KIZ: variants seen among roughly 807,000 people sequenced by gnomAD.
KIZ encodes centrosomal protein kizuna.
KIZ carries 68 observed loss-of-function variants against 79.6 expected under a neutral mutation model. The observed-to-expected ratio is 0.85, with a 90% CI of 0.70 to 1.05. KIZ has a LOEUF of 1.05. Among genes scored for constraint, KIZ ranks in the 50% least tolerant of loss-of-function variants. The pLI is 0.00. For missense variants in KIZ, 797 were observed against 800.4 expected, an observed-to-expected ratio of 1.00 and a Z score of 0.05; for synonymous variants, 280 against 281.8, an observed-to-expected ratio of 0.99 and a Z score of 0.06.
In KIZ at chr20:21,215,610, G is replaced by A. The variant is rs1238040059; in HGVS notation, c.1640G>A (p.Ser547Asn). The A allele has an allele frequency of 1.2e-6, 2 of 1,606,284 alleles. No individual in the cohort carries two copies. The highest frequency in any genetic ancestry group is 8.5e-7 in the Non-Finnish European group (1 of 1,174,668). ...GTTTCAAGTGGCTGTGGAGACAAGA[G>A]CAAGAAAGAAAATGTGGCTGCAGAT... ...QEVSSGCGDKSKKENVAADIP... is the reference protein window; with the variant it reads ...QEVSSGCGDKNKKENVAADIP... The change falls in exon 9 of 13, where the codon AGC (serine) becomes AAC (asparagine). Residue 547 changes from serine (S) to asparagine (N), a missense_variant. Transcript: ENST00000619189.
chr20:21,166,793 A>G (rs1345890420), intron 6 of KIZ, among the ~76,000 whole-genome samples: 1 of 152,078 alleles, frequency 6.6e-6, no homozygotes, highest in Non-Finnish European at 1.5e-5. Flanking sequence ...CGGTTTCACT[A>G]TGTTGGCCAG....
At chr20:21,166,163 T>TTTGTTCA in intron 6 of KIZ, 1 of 926,710 alleles carries the variant, frequency 1.1e-6, no homozygotes, top group East Asian at 2.5e-5. Flanking sequence ...TTTTTTTTTT[T>TTTGTTCA]TGTCCATGAG....
At chr20:21,148,054 G>A (rs574106129) in intron 4 of KIZ, among the ~76,000 whole-genome samples, 13 of 151,788 alleles carry the variant, frequency 8.6e-5, no homozygotes, top group East Asian at 1.9e-4. Flanking sequence ...GTGCAGCTGC[G>A]GGAAGATGAG....
chr20:21,129,006 T>G (rs1054673414), intron 1 of KIZ, among the ~76,000 whole-genome samples: 14 of 152,146 alleles, frequency 9.2e-5, no homozygotes, highest in African/African-American at 3.4e-4. Context: ...AAACATGAAC[T>G]ATGGGTAAGC....
intron 6 of KIZ, among the ~76,000 whole-genome samples, chr20:21,200,850 C>T (rs536886964): frequency 3.0e-4 from 45 of 152,246 alleles, no homozygotes; most frequent in Non-Finnish European, 3.7e-4. Context: ...GAACAAACCA[C>T]GCTTGTCATC....
intron 6 of KIZ, among the ~76,000 whole-genome samples, chr20:21,174,874 C>T (rs1568946053): frequency 6.6e-6 from 1 of 152,168 alleles, no homozygotes; most frequent in Non-Finnish European, 1.5e-5. Context: ...AGTCATGTGC[C>T]TGGAATAATA....
At chr20:21,172,609 A>AT (rs1273266608) in intron 6 of KIZ, among the ~76,000 whole-genome samples, 1 of 152,058 alleles carries the variant, frequency 6.6e-6, no homozygotes, top group African/African-American at 2.4e-5. Context: ...AAAAAAAAAA[A>AT]GTATTATGAT....
intron 2 of KIZ, among the ~76,000 whole-genome samples, chr20:21,134,420 TTTC>T (rs1342043182): frequency 1.2e-4 from 18 of 152,260 alleles, no homozygotes; most frequent in African/African-American, 4.1e-4. Context: ...GGTGCCTCCA[TTTC>T]TTCTTCTGTC....
chr20:21,141,209 G>A (rs1330473007), intron 3 of KIZ, among the ~76,000 whole-genome samples: 2 of 152,066 alleles, frequency 1.3e-5, no homozygotes, highest in African/African-American at 2.4e-5. Flanking sequence ...CTCAGGTTGG[G>A]TTCTCCCTGA....
intron 3 of KIZ, among the ~76,000 whole-genome samples, chr20:21,138,077 A>G (rs942922540): frequency 2.0e-5 from 3 of 151,832 alleles, no homozygotes; most frequent in African/African-American, 7.3e-5. Flanking sequence ...CAGACATAAT[A>G]TTTAATTTTC....
intron 9 of KIZ, chr20:21,218,569 T>G (rs1028652754): frequency 3.3e-5 from 5 of 152,200 alleles, no homozygotes; most frequent in African/African-American, 9.6e-5. Context: ...GAAAAGACTT[T>G]CAGCAAAGGA....
chr20:21,194,180 T>G (rs1207729694), intron 6 of KIZ: 1 of 152,200 alleles, frequency 6.6e-6, no homozygotes, highest in Non-Finnish European at 1.5e-5. Flanking sequence ...TGTCGTTGGA[T>G]AAGATAAGCT....
chr20:21,135,043 G>A (rs917625979), intron 2 of KIZ, among the ~76,000 whole-genome samples: 3 of 152,140 alleles, frequency 2.0e-5, no homozygotes, highest in African/African-American at 7.2e-5. Flanking sequence ...CAGGTTGCCC[G>A]GTGTGTAGAA....
At chr20:21,206,412 G>A (rs138681437) in intron 7 of KIZ, among the ~76,000 whole-genome samples, 218 of 152,294 alleles carry the variant, frequency 1.4e-3, no homozygotes, top group Admixed American at 0.01. Context: ...TCATGATGGA[G>A]GGAGTACAGT....
chr20:21,244,355 T>C (rs2037320794), intron 12 of KIZ, 67 bp downstream of exon 12: 1 of 1,118,330 alleles, frequency 8.9e-7, no homozygotes, highest in Non-Finnish European at 1.4e-6. Flanking sequence ...GTGACATGCA[T>C]TTGTTGTTTG....
At chr20:21,219,923 T>C (rs2036446709) in intron 9 of KIZ, among the ~76,000 whole-genome samples, 2 of 152,182 alleles carry the variant, frequency 1.3e-5, no homozygotes, top group Admixed American at 1.3e-4. Flanking sequence ...CACACACTGA[T>C]GCCCCACCCA....
intron 6 of KIZ, among the ~76,000 whole-genome samples, chr20:21,179,577 A>G (rs776700003): frequency 1.2e-4 from 18 of 149,538 alleles, no homozygotes; most frequent in Non-Finnish European, 2.4e-4. Context: ...TTTTTCATTT[A>G]TCTCTGATCA....
chr20:21,208,022 G>A lies in KIZ; in HGVS notation c.1446+2438G>A, dbSNP rs186882446. ...GAGCCACCACGCCCAGCCGATGAAC[G>A]TAGATCTTAAGAAAGATACTGTTTG... is the stretch of plus-strand genomic sequence containing the variant. On this transcript the variant is annotated intron_variant, in intron 7 of 12. Transcript: ENST00000619189. Among the ~76,000 whole-genome samples, 286 of 152,170 alleles carry A rather than the reference G, an allele frequency of 1.9e-3. 1 individual carries two copies. The highest frequency in any genetic ancestry group is 4.5e-3 in the African/African-American group (188 of 41,524).
chr20:21,227,807 G>A (rs2036706857), intron 9 of KIZ, among the ~76,000 whole-genome samples: 1 of 152,102 alleles, frequency 6.6e-6, no homozygotes, highest in African/African-American at 2.4e-5. Context: ...TTTCCCCTCT[G>A]TATGCACTGT....
Sources: allele counts gnomAD v4.1 joint callset (sites outside exome capture counted in the v4.1 genomes callset), GRCh38; gene constraint gnomAD v4.1.1; transcripts MANE v1.5; gene names NCBI Gene and HGNC (gene_info 2026-07-23, HGNC 2026-07-21).